Variants in NBL1 observed in about 807,000 individuals in gnomAD.
NBL1 encodes NBL1, DAN family BMP antagonist, also known as neuroblastoma suppressor of tumorigenicity 1.
In NBL1, 9 loss-of-function variants were observed where a neutral mutation model predicts 16.0. The observed-to-expected ratio is 0.56, with a 90% CI of 0.34 to 0.98. The LOEUF (loss-of-function observed/expected upper bound fraction) is 0.98, where lower values mean the gene tolerates loss of function less well. Ranked by LOEUF, NBL1 falls within the 50% of genes least tolerant of loss-of-function variation. NBL1 has a pLI of 0.02. For missense variants in NBL1, 196 were observed against 243.1 expected (o/e 0.81, Z 1.29); for synonymous variants, 86 against 100.7 (o/e 0.85, Z 0.87).
chr1:19,648,969 A>G (rs1219446995), intron 1 of NBL1, among the ~76,000 whole-genome samples: 1 of 152,102 alleles, frequency 6.6e-6, no homozygotes, highest in Non-Finnish European at 1.5e-5. Flanking sequence ...GGAGCCCCCA[A>G]GCTTCCAGTC....
intron 1 of NBL1, among the ~76,000 whole-genome samples, chr1:19,652,128 G>C (rs559867685): frequency 6.6e-6 from 1 of 152,230 alleles, no homozygotes; most frequent in East Asian, 1.9e-4. Flanking sequence ...CCTGTGACCT[G>C]TTGTTCCTGA....
intron 1 of NBL1, chr1:19,645,694 G>C (rs1032730119): frequency 7.1e-5 from 89 of 1,252,710 alleles, no homozygotes; most frequent in Non-Finnish European, 8.4e-5. Context: ...AAAAGGCGAG[G>C]CTGCAGCGTT....
In NBL1 at chr1:19,644,553, C is replaced by A; in HGVS notation, c.-20+107C>A. On this transcript the variant is annotated intron_variant, in intron 1 of 3. Transcript: ENST00000375136. The surrounding 1 kb of genome is among the most constrained non-coding windows in gnomAD (Gnocchi z 4.6). ...GAGCTGCGTCCCCCGGCGCGTCCGG[C>A]GGCCGCGGGCACCGGGTGGAGGCGC... 1.5e-6 allele frequency: 1 copy of A among 649,072 alleles called. No individual in the cohort carries two copies. Among genetic ancestry groups the A allele is most frequent in the Non-Finnish European group, 1.9e-6 (1 of 526,132 alleles). The allele number at this position is 649,072 out of a possible 1,614,324, so 40.2% of individuals were successfully genotyped here.
In NBL1 at chr1:19,644,758, A is replaced by T. The variant is rs892765065; in HGVS notation, c.-20+312A>T. On this transcript the variant is annotated intron_variant, in intron 1 of 3. Transcript: ENST00000375136. This position sits in a 1 kb window ranked among gnomAD's most constrained non-coding sequence, Gnocchi z 4.6. ...CCGCGGCCGGGGGAGAGAGGGAGCG[A>T]GGGAGGGAGATGCGTGGCCGGGCGG... Among the ~76,000 whole-genome samples, 5 of 151,370 alleles carry T rather than the reference A, an allele frequency of 3.3e-5. No homozygotes were observed. The highest frequency in any genetic ancestry group is 4.9e-5 in the African/African-American group (2 of 41,156).
At chr1:19,643,482 T>C (rs2094960097), upstream of NBL1, 1 of 1,573,916 alleles carries the variant, frequency 6.4e-7, no homozygotes, top group African/African-American at 1.3e-5. The surrounding 1 kb of genome is among the most constrained non-coding windows in gnomAD (Gnocchi z 4.7). Context: ...AGAAGCAAAG[T>C]TATTTTCTCA....
In NBL1 at chr1:19,657,607, G is replaced by GC. The variant is rs11430584; in HGVS notation, c.*481dup. On this transcript the variant is annotated 3_prime_UTR_variant, in exon 4 of 4. Transcript: ENST00000375136. ...CCACTGGCAGAAACAGGAGGCTCCG[G>GC]CCCACAGGTTTCCCCAAGGCCTCTC... The GC allele has an allele frequency of 1, 152,947 of 152,956 alleles. 76,469 individuals carry two copies. Among genetic ancestry groups the GC allele is most frequent in the Middle Eastern group, 1 (294 of 294 alleles). 9.5% of individuals were successfully genotyped at this position (152,956 alleles called of 1,614,324 possible).
Position 19,644,517 on chromosome 1 carries a change from C to A in NBL1, c.-20+71C>A. The A allele has an allele frequency of 1.2e-6, 1 of 855,390 alleles. No individual in the cohort carries two copies. Among genetic ancestry groups the A allele is most frequent in the Non-Finnish European group, 1.4e-6 (1 of 713,524 alleles). 53.0% of individuals were successfully genotyped at this position (855,390 alleles called of 1,614,324 possible). On this transcript the variant is annotated intron_variant, in intron 1 of 3. Transcript: ENST00000375136. This position sits in a 1 kb window ranked among gnomAD's most constrained non-coding sequence, Gnocchi z 4.6. ...CTTCGGCCGCGGGGGCAGTGCCGCG[C>A]CCCCAGCCCGGAGCTGCGTCCCCCG...
Position 19,645,601 on chromosome 1 carries a change from T to A in NBL1, c.-20+1155T>A, listed in dbSNP as rs929028056. 2.8e-6 allele frequency: 3 copies of A among 1,056,606 alleles called. No individual in the cohort carries two copies. In the African/African-American group the frequency reaches 5.0e-5, roughly 18 times the overall value. 65.5% of individuals were successfully genotyped at this position (1,056,606 alleles called of 1,614,324 possible). On this transcript the variant is annotated intron_variant, in intron 1 of 3. Coordinates refer to ENST00000375136, the MANE Select transcript of NBL1 (RefSeq NM_005380.8). ...TGTCAACAAGGAGCCCCTCACCCTTTGTTACTGCGGAATGGGGCCTCCCTA... is the reference window on the plus strand; with the variant it reads ...TGTCAACAAGGAGCCCCTCACCCTTAGTTACTGCGGAATGGGGCCTCCCTA...
rs2094967958 is a variant in NBL1 at position 19,644,771 on chromosome 1, C to A, written c.-20+325C>A. On this transcript the variant is annotated intron_variant, in intron 1 of 3. Coordinates refer to ENST00000375136, the MANE Select transcript of NBL1 (RefSeq NM_005380.8). This position sits in a 1 kb window ranked among gnomAD's most constrained non-coding sequence, Gnocchi z 4.6. The stretch of plus-strand genomic sequence containing the variant: ...AGAGAGGGAGCGAGGGAGGGAGATG[C>A]GTGGCCGGGCGGGCCGGGCTCGCAT... Among the ~76,000 whole-genome samples the A allele has an allele frequency of 2.0e-5, 3 of 151,834 alleles. No homozygotes were observed. The highest frequency in any genetic ancestry group is 7.3e-5 in the African/African-American group (3 of 41,374).
chr1:19,655,537 C>T (rs892610863), intron 3 of NBL1, 102 bp downstream of exon 3: 1 of 1,307,908 alleles, frequency 7.6e-7, no homozygotes, highest in African/African-American at 1.5e-5. Flanking sequence ...GCCACAGGGC[C>T]TTAGAAAGGC....
At chr1:19,643,847 C>CT (rs902578320), upstream of NBL1, 5 of 991,324 alleles carry the variant, frequency 5.0e-6, no homozygotes, top group African/African-American at 1.7e-5. The surrounding 1 kb of genome is among the most constrained non-coding windows in gnomAD (Gnocchi z 4.7). Flanking sequence ...ACGCGGCGGG[C>CT]TGGGGCGCCC....
chr1:19,655,120 T>C lies in NBL1; in HGVS notation c.90T>C (p.Asp30=). 2 of 1,612,564 alleles carry C rather than the reference T, an allele frequency of 1.2e-6. No individual in the cohort carries two copies. Among genetic ancestry groups the C allele is most frequent in the Non-Finnish European group, 1.7e-6 (2 of 1,179,608 alleles). Residue 30 remains aspartate, a synonymous_variant, in exon 2 of 4, where the codon GAT becomes GAC. Coordinates refer to ENST00000375136, the MANE Select transcript of NBL1 (RefSeq NM_005380.8). ...PPINKLALFP[D]KSAWCEAKNI... Reference sequence around the variant, plus strand: ...TCAACAAGCTGGCACTGTTCCCAGATAAGAGTGCCTGGTGCGAAGCCAAGA... The same window carrying C: ...TCAACAAGCTGGCACTGTTCCCAGACAAGAGTGCCTGGTGCGAAGCCAAGA...
At chr1:19,654,572 C>T (rs2095045396) in intron 1 of NBL1, among the ~76,000 whole-genome samples, 3 of 152,152 alleles carry the variant, frequency 2.0e-5, no homozygotes, top group Admixed American at 2.0e-4. Context: ...TGACTCACAG[C>T]ATCAAAGGGA....
At chr1:19,651,767 GC>G (rs1222242605) in intron 1 of NBL1, among the ~76,000 whole-genome samples, 2 of 151,862 alleles carry the variant, frequency 1.3e-5, no homozygotes, top group Admixed American at 1.3e-4. Context: ...CGCAATCATG[GC>G]TCACTGCAGC....
chr1:19,656,744 A>T, intron 3 of NBL1, 122 bp from the exon 4 acceptor site: 4 of 1,415,832 alleles, frequency 2.8e-6, no homozygotes, highest in Non-Finnish European at 3.7e-6. Flanking sequence ...CCCCAGAGCT[A>T]ACTGGGCATC....
intron 1 of NBL1, among the ~76,000 whole-genome samples, chr1:19,646,864 G>T (rs7522389): frequency 0.37 from 56,317 of 152,150 alleles, 15,060 homozygotes; most frequent in African/African-American, 0.76. Flanking sequence ...CCCACTTGCT[G>T]GAGTTTCACC....
At chr1:19,652,479 G>A (rs2095032035) in intron 1 of NBL1, among the ~76,000 whole-genome samples, 1 of 152,080 alleles carries the variant, frequency 6.6e-6, no homozygotes, top group Non-Finnish European at 1.5e-5. Flanking sequence ...CAGCCTGTCC[G>A]ACCTCACTTC....
rs1284858541 is a variant in NBL1 at position 19,655,315 on chromosome 1, C to G, written c.171-9C>G. ...AGTGACACAGGCATGGTGACCTCTC[C>G]TCCCACAGGGCGTGCCTAGGACAGT... On this transcript the variant is annotated splice_polypyrimidine_tract_variant and intron_variant, in intron 2 of 3. Transcript: ENST00000375136. 6.2e-7 allele frequency: 1 copy of G among 1,613,846 alleles called. No individual in the cohort carries two copies.
At position 19,645,040 on chromosome 1, in the gene NBL1, G is replaced by T. The variant is rs568175693; in HGVS notation, c.-20+594G>T. 3.0e-4 allele frequency among the ~76,000 whole-genome samples: 45 copies of T among 152,012 alleles called. No individual in the cohort carries two copies. The South Asian group carries it at 3.5e-3, about 12-fold the overall frequency. On this transcript the variant is annotated intron_variant, in intron 1 of 3. Coordinates refer to ENST00000375136, the MANE Select transcript of NBL1 (RefSeq NM_005380.8). The stretch of plus-strand genomic sequence containing the variant: ...CTCTCCCTCTCTCTGTCTCTGCGCT[G>T]CCCTCTGTGGGGGTCTCGCCCTGTG...
Sources: gnomAD v4.1 joint callset for allele counts (sites outside exome capture counted in the v4.1 genomes callset) on GRCh38, gnomAD v4.1.1 for gene constraint, Gnocchi (gnomAD v3.1) non-coding constraint, MANE v1.5 for transcripts, NCBI Gene and HGNC (gene_info 2026-07-23, HGNC 2026-07-21) for gene names.